Variants in ELAPOR2 observed in about 807,000 individuals in gnomAD.
ELAPOR2 encodes the protein endosome-lysosome associated apoptosis and autophagy regulator family member 2.
A neutral mutation model predicts 120.7 loss-of-function variants in ELAPOR2; 89 were observed. The ratio of observed to expected loss-of-function variants is 0.74; its 90% CI spans 0.62 to 0.88. ELAPOR2 has a LOEUF of 0.88. Ranked by LOEUF, ELAPOR2 falls within the 40% of genes least tolerant of loss-of-function variation. The pLI is 0.00. For synonymous variants in ELAPOR2, 444 were observed against 444.9 expected, an observed-to-expected ratio of 1.00 and a Z score of 0.03; for missense variants, 1,134 against 1,251.6, an observed-to-expected ratio of 0.91 and a Z score of 1.42.
chr7:86,901,786 T>C (rs1788738662), intron 18 of ELAPOR2, among the ~76,000 whole-genome samples: 1 of 152,200 alleles, frequency 6.6e-6, no homozygotes, highest in Admixed American at 6.5e-5. Context: ...GCATTAGTGC[T>C]GTCTGCTAAC....
intron 1 of ELAPOR2, among the ~76,000 whole-genome samples, chr7:87,030,552 A>G (rs1167239761): frequency 6.6e-6 from 1 of 152,236 alleles, no homozygotes; most frequent in Non-Finnish European, 1.5e-5. Flanking sequence ...GCCACCGTAC[A>G]TATTTTGAGT....
chr7:86,941,850 C>T (rs1235769287), intron 5 of ELAPOR2, among the ~76,000 whole-genome samples, 168 bp downstream of exon 5: 2 of 151,544 alleles, frequency 1.3e-5, no homozygotes, highest in Non-Finnish European at 2.9e-5. Flanking sequence ...TAATTTTTTC[C>T]GTAACCAGAA....
rs1252574382 is a variant in ELAPOR2 at position 86,942,028 on chromosome 7, C to A, written c.731G>T (p.Gly244Val). 3 of 1,539,908 alleles carry A rather than the reference C, an allele frequency of 1.9e-6. No homozygotes were observed. Among genetic ancestry groups the A allele is most frequent in the East Asian group, 4.9e-5 (2 of 40,808 alleles). Residue 244 changes from glycine (G) to valine (V), a missense_variant, in exon 5 of 22, where the codon GGC becomes GTC. This residue lies in a region of ELAPOR2 where 280 missense variants were observed against 331.5 expected (regional missense o/e 0.84). Transcript: ENST00000450689. ...WVKLTDNGEW[G>V]SHSVMLKSGT... ...TACAAAGAGACTTACAGAATGAGAG[C>A]CCCATTCTCCATTGTCTGTAAGTTT...
chr7:86,926,700 C>T, intron 9 of ELAPOR2, 36 bp downstream of exon 9: 2 of 1,541,522 alleles, frequency 1.3e-6, no homozygotes, highest in Non-Finnish European at 1.8e-6. Context: ...GATCATTTTG[C>T]TAAAGGCCCA....
rs926598934 is a variant in ELAPOR2 at position 87,025,165 on chromosome 7, G to A, written c.189+34160C>T. On this transcript the variant is annotated intron_variant, in intron 1 of 21. Coordinates refer to ENST00000450689, the MANE Select transcript of ELAPOR2 (RefSeq NM_001142749.3). ...CATGCTAAATGTCTAAATTCAATTC[G>A]TTTAGATGACTAAATGAAATTGTAG... 3.9e-5 allele frequency among the ~76,000 whole-genome samples: 6 copies of A among 151,978 alleles called. No homozygotes were observed. In the East Asian group the frequency reaches 5.8e-4, roughly 15 times the overall value.
chr7:86,947,024 C>T (rs928892473), intron 3 of ELAPOR2, among the ~76,000 whole-genome samples: 1 of 152,178 alleles, frequency 6.6e-6, no homozygotes, highest in Admixed American at 6.5e-5. Flanking sequence ...CCTTTCAACA[C>T]AGCTAAATAA....
At chr7:86,945,775 T>C (rs1790973816) in intron 3 of ELAPOR2, among the ~76,000 whole-genome samples, 1 of 152,172 alleles carries the variant, frequency 6.6e-6, no homozygotes, top group Non-Finnish European at 1.5e-5. Flanking sequence ...AAAGATATCC[T>C]AACATATGAC....
In ELAPOR2 at chr7:86,912,945, T is replaced by C. The variant is rs753933018; in HGVS notation, c.1991A>G (p.Asn664Ser). 4.3e-6 allele frequency: 7 copies of C among 1,613,672 alleles called. No homozygotes were observed. The highest frequency in any genetic ancestry group is 3.3e-5 in the Admixed American group (2 of 59,982). Residue 664 changes from asparagine to serine, a missense_variant, in exon 14 of 22, where the codon AAT (asparagine) becomes AGT (serine). Physicochemically the swap from Asn to Ser is conservative, Grantham distance 46. Around this residue, in one of 3 missense-constraint regions of ELAPOR2, gnomAD observed 831 missense variants for 867.6 expected, o/e 0.96. Transcript: ENST00000450689. ...CTGAAATGCAGACCCACTTACCTGA[T>C]TGTTTTTACTCCCAGGCCCGCATGG... ...CIPCGPGSKN[N>S]QDHSVCYSDC...
chr7:86,938,984 C>T, intron 6 of ELAPOR2, 24 bp from the exon 7 acceptor site: 3 of 1,611,974 alleles, frequency 1.9e-6, no homozygotes, highest in South Asian at 1.1e-5. Context: ...AAAAACAGAG[C>T]ATGGGAGGGG....
intron 21 of ELAPOR2, 61 bp downstream of exon 21, chr7:86,891,663 G>T: frequency 7.2e-7 from 1 of 1,391,140 alleles, no homozygotes; most frequent in Non-Finnish European, 9.8e-7. Flanking sequence ...GCTATTATTA[G>T]GTTAATATGC....
chr7:86,970,642 A>G (rs1313568870), intron 1 of ELAPOR2, among the ~76,000 whole-genome samples: 1 of 152,228 alleles, frequency 6.6e-6, no homozygotes, highest in Non-Finnish European at 1.5e-5. Context: ...TACTTAATGC[A>G]GAAATACATG....
In ELAPOR2 at chr7:87,059,390, A is replaced by G; in HGVS notation, c.124T>C (p.Cys42Arg). ...AGGTCCCCAGCCCAGGCCGCCTGGC[A>G]GCCGGCGAGCGCCCAGCAGCAAATC... ...AWICCWALAGCQAAWAGDLPS... is the reference protein window; with the variant it reads ...AWICCWALAGRQAAWAGDLPS... Residue 42 changes from cysteine to arginine, a missense_variant, in exon 1 of 22, where the codon TGC becomes CGC. Physicochemically the swap from Cys to Arg is radical, Grantham distance 180 (BLOSUM62 -3). Around this residue, in one of 3 missense-constraint regions of ELAPOR2, gnomAD observed 280 missense variants for 331.5 expected, o/e 0.84. Coordinates refer to ENST00000450689, the MANE Select transcript of ELAPOR2 (RefSeq NM_001142749.3). 1 of 1,243,958 alleles carries G rather than the reference A, an allele frequency of 8.0e-7. No individual in the cohort carries two copies. Among genetic ancestry groups the G allele is most frequent in the Non-Finnish European group, 1.0e-6 (1 of 988,000 alleles). The allele number at this position is 1,243,958 out of a possible 1,614,324, so 77.1% of individuals were successfully genotyped here.
chr7:86,890,558 G>A (rs1788096857), intron 21 of ELAPOR2, among the ~76,000 whole-genome samples: 1 of 151,942 alleles, frequency 6.6e-6, no homozygotes, highest in Non-Finnish European at 1.5e-5. Flanking sequence ...TTTGGGAGCT[G>A]GTATAAAGGT....
At chr7:86,966,943 C>G (rs1042492390) in intron 1 of ELAPOR2, among the ~76,000 whole-genome samples, 6 of 152,112 alleles carry the variant, frequency 3.9e-5, no homozygotes, top group Admixed American at 3.9e-4. Flanking sequence ...AGTAACCTCA[C>G]TTTCTCAAGA....
chr7:86,898,452 C>G (rs1251422705), intron 18 of ELAPOR2, among the ~76,000 whole-genome samples: 1 of 150,576 alleles, frequency 6.6e-6, no homozygotes, highest in Non-Finnish European at 1.5e-5. Context: ...TCCCTGAATA[C>G]TCTAAACACC....
At chr7:87,002,577 G>T (rs530225474) in intron 1 of ELAPOR2, among the ~76,000 whole-genome samples, 1 of 152,142 alleles carries the variant, frequency 6.6e-6, no homozygotes, top group South Asian at 2.1e-4. Flanking sequence ...TTCTGAGAGG[G>T]GAATTTCTGT....
chr7:87,012,572 A>C (rs1793725970), intron 1 of ELAPOR2, among the ~76,000 whole-genome samples: 1 of 152,186 alleles, frequency 6.6e-6, no homozygotes, highest in Admixed American at 6.5e-5. Flanking sequence ...GCATTACACA[A>C]CAGATGTCTG....
chr7:86,975,605 T>C (rs917132417), intron 1 of ELAPOR2, among the ~76,000 whole-genome samples: 1 of 152,196 alleles, frequency 6.6e-6, no homozygotes, highest in African/African-American at 2.4e-5. Context: ...GCATGCCCCC[T>C]GCTCTCATTA....
At position 86,912,220 on chromosome 7, in the gene ELAPOR2, CA is replaced by C. The variant is rs761966280; in HGVS notation, c.2020del (p.Cys674AlafsTer25). ...ATTTTCTTTTTCATGGTAGAAAAAGCAGTCACTATAGCAAACCGAATGGTCC... is the reference window on the plus strand; with the variant it reads ...ATTTTCTTTTTCATGGTAGAAAAAGCGTCACTATAGCAAACCGAATGGTCC... ...NQDHSVCYSD[C>X]FFYHEKENQS... On this transcript the variant is annotated frameshift_variant, in exon 15 of 22. Transcript: ENST00000450689. LOFTEE classifies it high-confidence loss of function. The C allele has an allele frequency of 3.1e-6, 5 of 1,606,080 alleles. No individual in the cohort carries two copies. The highest frequency in any genetic ancestry group is 1.7e-5 in the Admixed American group (1 of 59,936).
Sources: allele counts gnomAD v4.1 joint callset (sites outside exome capture counted in the v4.1 genomes callset), GRCh38; gene constraint gnomAD v4.1.1; regional missense constraint gnomAD v4.1.1; transcripts MANE v1.5; gene names NCBI Gene and HGNC (gene_info 2026-07-23, HGNC 2026-07-21).